GUCY1B1: variants seen among roughly 807,000 people sequenced by gnomAD.
The protein encoded by GUCY1B1 is guanylate cyclase 1 soluble subunit beta 1, also known as guanylate cyclase soluble subunit beta-1.
In GUCY1B1, 43 loss-of-function variants were observed where a neutral mutation model predicts 71.0. The ratio of observed to expected loss-of-function variants is 0.61; its 90% CI spans 0.47 to 0.78. The LOEUF (loss-of-function observed/expected upper bound fraction) is 0.78. GUCY1B1 is among the 30% of genes least tolerant of loss of function. GUCY1B1 has a pLI of 0.00. For missense variants in GUCY1B1, 535 were observed against 754.1 expected (o/e 0.71, Z 3.40); for synonymous variants, 266 against 259.7 (o/e 1.02, Z -0.23).
At chr4:155,761,085 C>T (rs1193182855) in intron 2 of GUCY1B1, among the ~76,000 whole-genome samples, 1 of 152,058 alleles carries the variant, frequency 6.6e-6, no homozygotes, top group Non-Finnish European at 1.5e-5. Flanking sequence ...TTTCAGAAAC[C>T]ATTTGTATTA....
chr4:155,787,676 G>T (rs1223409193), intron 4 of GUCY1B1, among the ~76,000 whole-genome samples: 1 of 152,164 alleles, frequency 6.6e-6, no homozygotes, highest in African/African-American at 2.4e-5. Context: ...CACAGTGTAT[G>T]ATATATAATG....
chr4:155,770,523 T>G (rs1263655627), intron 2 of GUCY1B1, among the ~76,000 whole-genome samples: 1 of 152,214 alleles, frequency 6.6e-6, no homozygotes, highest in East Asian at 1.9e-4. Flanking sequence ...AAGGCCATAT[T>G]ATCTGAAATT....
intron 5 of GUCY1B1, among the ~76,000 whole-genome samples, chr4:155,791,802 C>G (rs1301876933): frequency 6.7e-6 from 1 of 148,204 alleles, no homozygotes; most frequent in Non-Finnish European, 1.5e-5. Context: ...AGCATCTATA[C>G]TGAGTGAACG....
In GUCY1B1 at chr4:155,777,579, C is replaced by A; in HGVS notation, c.234C>A (p.Cys78Ter). 1.2e-6 allele frequency: 2 copies of A among 1,610,594 alleles called. No homozygotes were observed. Among genetic ancestry groups the A allele is most frequent in the Non-Finnish European group, 1.7e-6 (2 of 1,177,010 alleles). ...TTGGGAAGATGTTTTTCGTCTTTTG[C>A]CAAGAATCTGGTTATGATACAATCT... Reference protein sequence around the residue: ...QMFGKMFFVFCQESGYDTILR... With the variant: ...QMFGKMFFVF Residue 78 changes from cysteine (C) to a stop codon, truncating the protein, a stop_gained, in exon 4 of 14, where the codon TGC becomes TGA. Coordinates refer to ENST00000264424, the MANE Select transcript of GUCY1B1 (RefSeq NM_000857.5). LOFTEE classifies it high-confidence loss of function.
At chr4:155,786,716 G>A (rs1015071429) in intron 4 of GUCY1B1, among the ~76,000 whole-genome samples, 3 of 151,424 alleles carry the variant, frequency 2.0e-5, no homozygotes, top group African/African-American at 4.9e-5. Context: ...CTTGTGATCC[G>A]CCCGCCTTGG....
intron 2 of GUCY1B1, among the ~76,000 whole-genome samples, chr4:155,767,214 A>ATT (rs1272760732): frequency 1.3e-5 from 2 of 152,210 alleles, no homozygotes; most frequent in African/African-American, 4.8e-5. Context: ...TATGTGTATT[A>ATT]GTACTGCCTG....
chr4:155,796,117 A>G (rs1739538051), intron 7 of GUCY1B1, among the ~76,000 whole-genome samples: 1 of 152,214 alleles, frequency 6.6e-6, no homozygotes, highest in Non-Finnish European at 1.5e-5. Context: ...AAAAAGATTC[A>G]CAAAAGCTTG....
chr4:155,778,687 C>CA (rs57706950), intron 4 of GUCY1B1, among the ~76,000 whole-genome samples: 16 of 152,164 alleles, frequency 1.1e-4, no homozygotes, highest in Middle Eastern at 3.4e-3. Context: ...CTACTGGTGT[C>CA]AAAAAAAGCT....
chr4:155,759,918 C>A, intron 2 of GUCY1B1, 58 bp downstream of exon 2: 1 of 1,257,628 alleles, frequency 8.0e-7, no homozygotes, highest in Non-Finnish European at 1.2e-6. Flanking sequence ...GGGAGGCCCC[C>A]CGCGCCTCGC....
chr4:155,783,925 A>C (rs948643481), intron 4 of GUCY1B1, among the ~76,000 whole-genome samples: 60 of 152,290 alleles, frequency 3.9e-4, no homozygotes, highest in African/African-American at 1.3e-3. Flanking sequence ...TTAAAAACTT[A>C]TGAAGGAAGA....
At position 155,759,789 on chromosome 4, in the gene GUCY1B1, C is replaced by A; in HGVS notation, c.6C>A (p.Tyr2Ter). 6 of 1,611,738 alleles carry A rather than the reference C, an allele frequency of 3.7e-6. No individual in the cohort carries two copies. Among genetic ancestry groups the A allele is most frequent in the Non-Finnish European group, 5.1e-6 (6 of 1,178,120 alleles). Reference sequence around the variant, plus strand: ...CAAGTCTCTCCCTGTCCCCGCAGTACGGATTTGTGAATCACGCCCTGGAGT... The same window carrying A: ...CAAGTCTCTCCCTGTCCCCGCAGTAAGGATTTGTGAATCACGCCCTGGAGT... The part of the protein sequence containing the change: M[Y>*]GFVNHALELL... The change falls in exon 2 of 14, where the codon TAC becomes TAA. Residue 2 changes from tyrosine to a stop codon, truncating the protein, a stop_gained and splice_region_variant. Transcript: ENST00000264424. LOFTEE classifies it high-confidence loss of function.
chr4:155,760,519 G>A (rs185974640), intron 2 of GUCY1B1, among the ~76,000 whole-genome samples: 19 of 126,554 alleles, frequency 1.5e-4, no homozygotes, highest in African/African-American at 4.6e-4. Context: ...CTGGAGCTTT[G>A]AGCCCAGTAC....
rs758428814 is a variant in GUCY1B1 at position 155,759,783 on chromosome 4, G to T, written c.4-4G>T. 1 of 1,610,310 alleles carries T rather than the reference G, an allele frequency of 6.2e-7. No individual in the cohort carries two copies. The highest frequency in any genetic ancestry group is 1.1e-5 in the South Asian group (1 of 90,984). On this transcript the variant is annotated splice_region_variant and splice_polypyrimidine_tract_variant and intron_variant, in intron 1 of 13. Transcript: ENST00000264424. ...GACGCTCAAGTCTCTCCCTGTCCCC[G>T]CAGTACGGATTTGTGAATCACGCCC...
intron 4 of GUCY1B1, among the ~76,000 whole-genome samples, chr4:155,778,507 G>C (rs1428486248): frequency 6.6e-6 from 1 of 152,208 alleles, no homozygotes; most frequent in Non-Finnish European, 1.5e-5. Flanking sequence ...TTGAGGGAAT[G>C]TAAACTACTT....
At chr4:155,784,408 T>C (rs1188470921) in intron 4 of GUCY1B1, among the ~76,000 whole-genome samples, 1 of 152,172 alleles carries the variant, frequency 6.6e-6, no homozygotes, top group Non-Finnish European at 1.5e-5. Flanking sequence ...TTTACTTAGG[T>C]CGACTTTGTT....
At chr4:155,797,583 C>T (rs536394076) in intron 8 of GUCY1B1, among the ~76,000 whole-genome samples, 1 of 151,560 alleles carries the variant, frequency 6.6e-6, no homozygotes, top group Non-Finnish European at 1.5e-5. Flanking sequence ...ACTAAAAATA[C>T]AAAAATTAGC....
chr4:155,801,714 CT>C (rs954956574), intron 9 of GUCY1B1, among the ~76,000 whole-genome samples: 1 of 152,178 alleles, frequency 6.6e-6, no homozygotes, highest in African/African-American at 2.4e-5. Flanking sequence ...TGTCATCCTC[CT>C]CCTGTGTGCT....
At position 155,793,849 on chromosome 4, in the gene GUCY1B1, T is replaced by C; in HGVS notation, c.496-7T>C. ...CAATTCATGCCATTTCCCCCTTTGA[T>C]ATCCAGGTTATTCAGCAAAGAAATG... On this transcript the variant is annotated splice_region_variant and splice_polypyrimidine_tract_variant and intron_variant, in intron 5 of 13. Coordinates refer to ENST00000264424, the MANE Select transcript of GUCY1B1 (RefSeq NM_000857.5). The C allele has an allele frequency of 3.3e-6, 4 of 1,210,162 alleles. No individual in the cohort carries two copies. The highest frequency in any genetic ancestry group is 4.9e-6 in the Non-Finnish European group (4 of 813,100). 75.0% of individuals were successfully genotyped at this position (1,210,162 alleles called of 1,614,324 possible).
intron 4 of GUCY1B1, among the ~76,000 whole-genome samples, 173 bp from the exon 5 acceptor site, chr4:155,789,541 C>T (rs974466925): frequency 6.6e-6 from 1 of 152,216 alleles, no homozygotes; most frequent in Admixed American, 6.5e-5. Context: ...TTCATTTTCT[C>T]TGTGGCACTT....
Sources: gnomAD v4.1 joint callset for allele counts (sites outside exome capture counted in the v4.1 genomes callset) on GRCh38, gnomAD v4.1.1 for gene constraint, MANE v1.5 for transcripts, NCBI Gene and HGNC (gene_info 2026-07-23, HGNC 2026-07-21) for gene names.